TP63: variants seen among roughly 807,000 people sequenced by gnomAD.
The protein encoded by TP63 is tumor protein p63.
TP63 carries 17 observed loss-of-function variants against 82.8 expected under a neutral mutation model. The observed-to-expected ratio is 0.21, with a 90% CI of 0.14 to 0.31. TP63 has a LOEUF of 0.31. Ranked by LOEUF, TP63 falls within the 10% of genes least tolerant of loss-of-function variation. TP63 has a pLI of 1.00. For synonymous variants in TP63, 330 were observed against 321.7 expected, an observed-to-expected ratio of 1.03 and a Z score of -0.28; for missense variants, 648 against 895.3, an observed-to-expected ratio of 0.72 and a Z score of 3.52.
intron 11 of TP63, 46 bp from the exon 12 acceptor site, chr3:189,889,294 C>T (rs565034124): frequency 1.9e-6 from 3 of 1,614,024 alleles, no homozygotes; most frequent in South Asian, 1.1e-5. Context: ...GATGCTGGTA[C>T]ATGATGATGG....
At chr3:189,888,013 C>T (rs1474428739) in intron 11 of TP63, among the ~76,000 whole-genome samples, 1 of 152,068 alleles carries the variant, frequency 6.6e-6, no homozygotes, top group African/African-American at 2.4e-5. Flanking sequence ...TGCACCACCA[C>T]GCCCGGCTAA....
intron 4 of TP63, among the ~76,000 whole-genome samples, chr3:189,820,047 C>A (rs1336195652): frequency 6.6e-6 from 1 of 152,148 alleles, no homozygotes; most frequent in Non-Finnish European, 1.5e-5. Context: ...CCACGCCCAG[C>A]CCTATTTTAC....
intron 4 of TP63, among the ~76,000 whole-genome samples, chr3:189,847,607 A>T (rs527698125): frequency 3.2e-4 from 48 of 152,320 alleles, no homozygotes; most frequent in African/African-American, 1.1e-3. Flanking sequence ...GATTTCACTT[A>T]GATTTGCATA....
At chr3:189,769,803 C>T (rs1433754143) in intron 3 of TP63, among the ~76,000 whole-genome samples, 1 of 152,138 alleles carries the variant, frequency 6.6e-6, no homozygotes, top group Non-Finnish European at 1.5e-5. Context: ...ATAAAAGTGT[C>T]CCTATTTTAA....
intron 3 of TP63, among the ~76,000 whole-genome samples, chr3:189,790,484 G>A (rs1347940807): frequency 1.3e-5 from 2 of 151,922 alleles, no homozygotes; most frequent in Non-Finnish European, 2.9e-5. Context: ...ATGTAAATGT[G>A]TATTATAGCA....
At chr3:189,835,713 G>A (rs533698484) in intron 4 of TP63, among the ~76,000 whole-genome samples, 29 of 151,942 alleles carry the variant, frequency 1.9e-4, no homozygotes, top group South Asian at 1.0e-3. Context: ...AGGAGTTCGA[G>A]AACAGCCTGG....
chr3:189,798,686 C>A (rs1397113384), intron 3 of TP63, among the ~76,000 whole-genome samples: 2 of 152,086 alleles, frequency 1.3e-5, no homozygotes, highest in Non-Finnish European at 2.9e-5. Flanking sequence ...CCTTTTAATT[C>A]TCTATAGTGT....
chr3:189,868,681 C>T lies in TP63; in HGVS notation c.1094C>T (p.Ser365Leu), dbSNP rs147148566. Reference protein sequence around the residue: ...DEDSIRKQQVSDSTKNGDGTK... With the variant: ...DEDSIRKQQVLDSTKNGDGTK... ...GATAGCATCAGAAAGCAGCAAGTTT[C>T]GGACAGTACAAAGAACGGTGATGGT... The change falls in exon 8 of 14, where the codon TCG becomes TTG. Residue 365 changes from serine to leucine, a missense_variant. By Grantham distance (145) the Ser-to-Leu change is moderately radical. Coordinates refer to ENST00000264731, the MANE Select transcript of TP63 (RefSeq NM_003722.5). 6.2e-7 allele frequency: 1 copy of T among 1,614,026 alleles called. No homozygotes were observed.
intron 1 of TP63, among the ~76,000 whole-genome samples, chr3:189,705,646 A>T (rs75613372): frequency 0.16 from 23,695 of 151,984 alleles, 2,031 homozygotes; most frequent in Admixed American, 0.24. Flanking sequence ...GTTTTAAAGA[A>T]CATATTTATT....
intron 1 of TP63, among the ~76,000 whole-genome samples, chr3:189,716,822 A>C (rs1718996025): frequency 6.6e-6 from 1 of 150,768 alleles, no homozygotes; most frequent in Admixed American, 6.6e-5. Context: ...TTTTAGATGG[A>C]GTCTTGCTCT....
intron 4 of TP63, among the ~76,000 whole-genome samples, chr3:189,847,382 A>G (rs1446335602): frequency 6.6e-6 from 1 of 152,144 alleles, no homozygotes; most frequent in African/African-American, 2.4e-5. Context: ...AATCATCATC[A>G]TCATCATCAT....
chr3:189,608,934 A>T, the TP63 span, among the ~76,000 whole-genome samples: 1 of 122,970 alleles, frequency 8.1e-6, no homozygotes, highest in Admixed American at 7.7e-5. Context: ...AGCACCACGT[A>T]CAAATTTAAT....
chr3:189,804,662 T>G (rs1311996521), intron 3 of TP63, among the ~76,000 whole-genome samples: 1 of 152,212 alleles, frequency 6.6e-6, no homozygotes, highest in Non-Finnish European at 1.5e-5. Context: ...AAAATTAACT[T>G]CTGAAGAATG....
chr3:189,656,056 C>G (rs4491878), intron 1 of TP63, among the ~76,000 whole-genome samples: 66,877 of 151,956 alleles, frequency 0.44, 16,101 homozygotes, highest in Middle Eastern at 0.69. Context: ...ACATAATCAA[C>G]AAGATTGTAT....
intron 1 of TP63, among the ~76,000 whole-genome samples, chr3:189,694,930 T>C (rs1397945627): frequency 6.7e-6 from 1 of 149,712 alleles, no homozygotes; most frequent in Admixed American, 6.7e-5. Context: ...CTCAGCCTCC[T>C]GAGTAGCTGG....
chr3:189,823,067 A>C (rs527995807), intron 4 of TP63, among the ~76,000 whole-genome samples: 5 of 152,342 alleles, frequency 3.3e-5, no homozygotes, highest in African/African-American at 1.2e-4. Flanking sequence ...TTTTGTGACC[A>C]GAAAGATACA....
At chr3:189,818,810 A>G (rs899302212) in intron 4 of TP63, among the ~76,000 whole-genome samples, 2 of 152,182 alleles carry the variant, frequency 1.3e-5, no homozygotes, top group Non-Finnish European at 2.9e-5. Flanking sequence ...AAAACAGAGT[A>G]GTCTTGAGGA....
At chr3:189,873,119 A>G in intron 10 of TP63, 124 bp downstream of exon 10, 1 of 1,463,506 alleles carries the variant, frequency 6.8e-7, no homozygotes, top group Non-Finnish European at 9.6e-7. Context: ...ATAGATTCAG[A>G]TGACCTGGTA....
At chr3:189,765,306 G>GT (rs796573474) in intron 3 of TP63, among the ~76,000 whole-genome samples, 2 of 151,158 alleles carry the variant, frequency 1.3e-5, no homozygotes, top group African/African-American at 4.9e-5. Context: ...CCCGTATATT[G>GT]TTTTTTTCCC....
Sources: allele counts gnomAD v4.1 joint callset (sites outside exome capture counted in the v4.1 genomes callset), GRCh38; gene constraint gnomAD v4.1.1; transcripts MANE v1.5; gene names NCBI Gene and HGNC (gene_info 2026-07-23, HGNC 2026-07-21).